The following CHRNA1 variants were observed in gnomAD, a reference collection of about 807,000 sequenced individuals.
CHRNA1 encodes acetylcholine receptor subunit alpha.
CHRNA1 carries 35 observed loss-of-function variants against 47.1 expected under a neutral mutation model. The ratio of observed to expected loss-of-function variants is 0.74; its 90% CI spans 0.57 to 0.99. CHRNA1 has a LOEUF of 0.99. Ranked by LOEUF, CHRNA1 falls within the 50% of genes least tolerant of loss-of-function variation. The pLI is 0.00. For missense variants in CHRNA1, 506 were observed against 591.1 expected (o/e 0.86, Z 1.49); for synonymous variants, 229 against 223.6 (o/e 1.02, Z -0.22).
intron 1 of CHRNA1, among the ~76,000 whole-genome samples, chr2:174,761,433 T>C (rs1213719095): frequency 6.6e-6 from 1 of 152,146 alleles, no homozygotes; most frequent in African/African-American, 2.4e-5. Flanking sequence ...ACCACATCTC[T>C]ATAAAAAATA....
intron 3 of CHRNA1, 139 bp downstream of exon 3, chr2:174,759,192 C>G: frequency 3.0e-6 from 3 of 1,005,020 alleles, no homozygotes; most frequent in South Asian, 1.3e-5. Context: ...CAAACAGGAT[C>G]CATGCTTTCA....
intron 4 of CHRNA1, among the ~76,000 whole-genome samples, chr2:174,754,670 TG>T (rs1384997326): frequency 6.6e-6 from 1 of 152,088 alleles, no homozygotes; most frequent in Admixed American, 6.5e-5. Flanking sequence ...GGAAAGAATG[TG>T]GGAACCCACA....
intron 1 of CHRNA1, among the ~76,000 whole-genome samples, chr2:174,760,349 C>T (rs1173997919): frequency 6.6e-6 from 1 of 152,108 alleles, no homozygotes; most frequent in East Asian, 1.9e-4. Flanking sequence ...CTACGATGAA[C>T]TATTATTCAG....
Position 174,759,541 on chromosome 2 carries a change from G to A in CHRNA1, c.136C>T (p.Arg46Cys), listed in dbSNP as rs550657234. Reference sequence around the variant, plus strand: ...CCCACGGTGACCTCCACGACCTGGCGGTGGTCTTCCACTGGCCGCACCACG... The same window carrying A: ...CCCACGGTGACCTCCACGACCTGGCAGTGGTCTTCCACTGGCCGCACCACG... ...SSVVRPVEDHRQVVEVTVGLQ... is the reference protein window; with the variant it reads ...SSVVRPVEDHCQVVEVTVGLQ... Residue 46 changes from arginine (R) to cysteine (C), a missense_variant, in exon 2 of 9, where the codon CGC becomes TGC. Physicochemically the swap from Arg to Cys is radical, Grantham distance 180 (BLOSUM62 -3). Coordinates refer to ENST00000348749, the MANE Select transcript of CHRNA1 (RefSeq NM_000079.4). The A allele has an allele frequency of 1.5e-5, 24 of 1,614,052 alleles. No individual in the cohort carries two copies. The Admixed American group carries it at 2.0e-4, about 13-fold the overall frequency.
intron 4 of CHRNA1, among the ~76,000 whole-genome samples, chr2:174,755,854 C>T (rs894492877): frequency 6.6e-6 from 1 of 152,060 alleles, no homozygotes; most frequent in Non-Finnish European, 1.5e-5. Flanking sequence ...TGGCCAACAG[C>T]GAGACCTCAT....
At chr2:174,754,549 T>A in intron 4 of CHRNA1, 135 bp from the exon 5 acceptor site, 1 of 751,800 alleles carries the variant, frequency 1.3e-6, no homozygotes. Context: ...GCAGCGTCAC[T>A]TTTTATCTAT....
chr2:174,758,040 G>A (rs1684018246), intron 3 of CHRNA1: 2 of 1,613,906 alleles, frequency 1.2e-6, no homozygotes, highest in Non-Finnish European at 1.7e-6. Flanking sequence ...CACAGAAAAG[G>A]AGAAAGACCT....
At chr2:174,763,129 A>T (rs894464426) in intron 1 of CHRNA1, among the ~76,000 whole-genome samples, 2 of 152,198 alleles carry the variant, frequency 1.3e-5, no homozygotes, top group African/African-American at 4.8e-5. Flanking sequence ...TCTATAAAAC[A>T]CCCATGGAAA....
chr2:174,760,946 A>G (rs1168534806), intron 1 of CHRNA1, among the ~76,000 whole-genome samples: 1 of 152,142 alleles, frequency 6.6e-6, no homozygotes, highest in Admixed American at 6.5e-5. Context: ...CCCCTTTTCA[A>G]TCTTCATCAG....
In CHRNA1 at chr2:174,748,149, A is replaced by G. The variant is rs111396728; in HGVS notation, c.1349T>C (p.Leu450Pro). Residue 450 changes from leucine (L) to proline (P), a missense_variant, in exon 9 of 9, where the codon CTC (leucine) becomes CCC (proline). Leu to Pro is a moderately conservative substitution (Grantham distance 98). Transcript: ENST00000348749. Reference sequence around the variant, plus strand: ...TCATCCTTGCTGATTTAATTCAATGAGTCGACCTGCAAACACGGCTAGGGT... The same window carrying G: ...TCATCCTTGCTGATTTAATTCAATGGGTCGACCTGCAAACACGGCTAGGGT... ...IGTLAVFAGRLIELNQQG is the reference protein window; with the variant it reads ...IGTLAVFAGRPIELNQQG 1 of 1,614,112 alleles carries G rather than the reference A, an allele frequency of 6.2e-7. No homozygotes were observed. The highest frequency in any genetic ancestry group is 8.5e-7 in the Non-Finnish European group (1 of 1,180,022).
intron 6 of CHRNA1, 34 bp from the exon 7 acceptor site, chr2:174,750,203 C>G (rs1371613698): frequency 3.5e-5 from 52 of 1,489,254 alleles, no homozygotes; most frequent in Non-Finnish European, 4.7e-5. Flanking sequence ...AAAAATCCCA[C>G]AACTACCCAT....
At chr2:174,755,499 A>C (rs894058899) in intron 4 of CHRNA1, among the ~76,000 whole-genome samples, 43 of 150,862 alleles carry the variant, frequency 2.9e-4, no homozygotes, top group Non-Finnish European at 5.6e-4. Context: ...GGCTCACTGC[A>C]AGCTCTGTCT....
At position 174,753,480 on chromosome 2, in the gene CHRNA1, G is replaced by T. The variant is rs201033430; in HGVS notation, c.778+23C>A. 2.7e-5 allele frequency: 43 copies of T among 1,597,014 alleles called. No homozygotes were observed. In the African/African-American group the frequency reaches 5.1e-4, roughly 19 times the overall value. On this transcript the variant is annotated intron_variant, in intron 6 of 8. Transcript: ENST00000348749. ...ACGAGACCCATCAGCGTCAGCAGCA[G>T]CAGTCATGGCAACCACACCCACCTG...
chr2:174,751,422 C>T (rs532239901), intron 6 of CHRNA1, among the ~76,000 whole-genome samples: 7 of 152,084 alleles, frequency 4.6e-5, no homozygotes, highest in Middle Eastern at 3.4e-3. Flanking sequence ...TGGCTGCTTC[C>T]GGATGCTAGA....
rs781704170 is a variant in CHRNA1, at chr2:174,748,247, TGCC to T, written c.1248_1250del (p.Ala417del). The T allele has an allele frequency of 6.2e-7, 1 of 1,614,170 alleles. No individual in the cohort carries two copies. Among genetic ancestry groups the T allele is most frequent in the South Asian group, 1.1e-5 (1 of 91,072 alleles). ...TCACCATTGCAACGTACTTCCACTCTGCCGCCGCCTGGGAGAGAGGAAAATGTT... is the reference window on the plus strand; with the variant it reads ...TCACCATTGCAACGTACTTCCACTCTGCCGCCTGGGAGAGAGGAAAATGTT... On this transcript the variant is annotated inframe_deletion, in exon 9 of 9. Transcript: ENST00000348749.
chr2:174,751,559 T>G (rs898398192), intron 6 of CHRNA1, among the ~76,000 whole-genome samples: 1 of 152,184 alleles, frequency 6.6e-6, no homozygotes, highest in African/African-American at 2.4e-5. Flanking sequence ...TACAAAATAT[T>G]TGTCCACTTA....
At chr2:174,761,392 C>T (rs1420719763) in intron 1 of CHRNA1, among the ~76,000 whole-genome samples, 1 of 152,114 alleles carries the variant, frequency 6.6e-6, no homozygotes, top group Non-Finnish European at 1.5e-5. Flanking sequence ...GCAATCCTCC[C>T]ACCTTAGCCT....
chr2:174,759,558 C>T lies in CHRNA1; in HGVS notation c.119G>A (p.Arg40Gln), dbSNP rs1180739514. The change falls in exon 2 of 9, where the codon CGG (arginine) becomes CAG (glutamine). Residue 40 changes from arginine (R) to glutamine (Q), a missense_variant. Arg to Gln is a conservative substitution (Grantham distance 43). Coordinates refer to ENST00000348749, the MANE Select transcript of CHRNA1 (RefSeq NM_000079.4). ...GACCTGGCGGTGGTCTTCCACTGGC[C>T]GCACCACGCTGCTGTAGTCTTTAAA... ...KLFKDYSSVV[R>Q]PVEDHRQVVE... is the part of the protein sequence containing the mutation. The T allele has an allele frequency of 7.4e-6, 12 of 1,613,880 alleles. No individual in the cohort carries two copies. Among genetic ancestry groups the T allele is most frequent in the East Asian group, 2.2e-5 (1 of 44,850 alleles).
Position 174,748,754 on chromosome 2 carries a change from C to A in CHRNA1, c.1068G>T (p.Lys356Asn). 1 of 1,614,152 alleles carries A rather than the reference C, an allele frequency of 6.2e-7. No individual in the cohort carries two copies. Among genetic ancestry groups the A allele is most frequent in the Non-Finnish European group, 8.5e-7 (1 of 1,180,016 alleles). ...FSTMKRPSRE[K>N]QDKKIFTEDI... ...CTTCTGTAAAAATCTTTTTGTCTTG[C>A]TTTTCTCTGGATGGTCTTTTCATTG... Residue 356 changes from lysine to asparagine, a missense_variant, in exon 8 of 9, where the codon AAG becomes AAT. Lys to Asn is a moderately conservative substitution (Grantham distance 94). Transcript: ENST00000348749.
Sources: allele counts gnomAD v4.1 joint callset (sites outside exome capture counted in the v4.1 genomes callset), GRCh38; gene constraint gnomAD v4.1.1; transcripts MANE v1.5; gene names NCBI Gene and HGNC (gene_info 2026-07-23, HGNC 2026-07-21).